Variants in COL4A2 observed in about 807,000 individuals in gnomAD.
The protein encoded by COL4A2 is collagen alpha-2(IV) chain.
Under a neutral mutation model 200.2 loss-of-function variants are expected in COL4A2, and 99 were observed. The ratio of observed to expected loss-of-function variants is 0.49; its 90% CI spans 0.42 to 0.58. The LOEUF (loss-of-function observed/expected upper bound fraction) is 0.58. Ranked by LOEUF, COL4A2 falls within the 20% of genes least tolerant of loss-of-function variation. COL4A2 has a pLI of 0.00. For synonymous variants in COL4A2, 897 were observed against 900.6 expected (o/e 1.00, Z 0.07); for missense variants, 1,950 against 2,314.1 (o/e 0.84, Z 3.23).
chr13:110,424,054 G>T (rs1197799774), intron 4 of COL4A2, among the ~76,000 whole-genome samples: 5 of 152,126 alleles, frequency 3.3e-5, no homozygotes, highest in African/African-American at 1.2e-4. Context: ...CCCAGAAGTG[G>T]AATCGTGGGA....
At chr13:110,464,693 G>T (rs914569065) in intron 24 of COL4A2, among the ~76,000 whole-genome samples, 5 of 152,218 alleles carry the variant, frequency 3.3e-5, no homozygotes, top group African/African-American at 1.2e-4. Context: ...ATTGTCATGA[G>T]AACACCCAGC....
chr13:110,397,759 A>G (rs1364072440), intron 4 of COL4A2, among the ~76,000 whole-genome samples: 7 of 152,216 alleles, frequency 4.6e-5, no homozygotes, highest in Non-Finnish European at 1.0e-4. Context: ...GTATGAGGGC[A>G]GGAGAAAGAA....
At chr13:110,368,420 C>A (rs1412920462) in intron 4 of COL4A2, among the ~76,000 whole-genome samples, 2 of 152,202 alleles carry the variant, frequency 1.3e-5, no homozygotes, top group Non-Finnish European at 2.9e-5. Flanking sequence ...CTTAAAACTT[C>A]AAAGCAATAA....
chr13:110,495,100 C>A (rs1399032821), intron 39 of COL4A2, among the ~76,000 whole-genome samples: 1 of 152,218 alleles, frequency 6.6e-6, no homozygotes, highest in Non-Finnish European at 1.5e-5. Context: ...GAATTTGAAC[C>A]CTCTGATGGG....
rs143417062 is a variant in COL4A2, at chr13:110,450,001, A to T, written c.1189+212A>T. 5.8e-3 allele frequency among the ~76,000 whole-genome samples: 876 copies of T among 152,330 alleles called. 1 individual carries two copies. The highest frequency in any genetic ancestry group is 0.02 in the African/African-American group (845 of 41,576). On this transcript the variant is annotated intron_variant, in intron 19 of 47. Transcript: ENST00000360467. The stretch of plus-strand genomic sequence containing the variant: ...ATGACAGTAACTCCCCAACTAGGTT[A>T]GATGGTGCCACGATGGGTAACTGGC...
chr13:110,504,285 A>T, intron 45 of COL4A2, 21 bp downstream of exon 45: 1 of 1,570,266 alleles, frequency 6.4e-7, no homozygotes, highest in Non-Finnish European at 8.8e-7. Context: ...GTGGGGAAGG[A>T]CCTTCCCAGG....
At chr13:110,352,223 T>A (rs1223782045) in intron 3 of COL4A2, among the ~76,000 whole-genome samples, 1 of 152,028 alleles carries the variant, frequency 6.6e-6, no homozygotes, top group East Asian at 1.9e-4. Context: ...GGCAGGGAGG[T>A]TGGCCTTGGG....
intron 18 of COL4A2, among the ~76,000 whole-genome samples, chr13:110,447,919 A>G (rs4132608): frequency 0.75 from 114,070 of 152,182 alleles, 43,201 homozygotes; most frequent in East Asian, 0.95. Flanking sequence ...CTGTCAGTTT[A>G]ATAATGGCTT....
chr13:110,438,572 G>T (rs561276858), intron 14 of COL4A2, 46 bp from the exon 15 acceptor site: 2 of 1,613,096 alleles, frequency 1.2e-6, no homozygotes, highest in Admixed American at 1.7e-5. Context: ...TTGGCTGGAG[G>T]GGCCGCCCCT....
intron 28 of COL4A2, among the ~76,000 whole-genome samples, chr13:110,472,133 T>G (rs1882491952): frequency 8.1e-6 from 1 of 123,956 alleles, no homozygotes. Context: ...TTTTCTCTTT[T>G]GAGATGGAAT....
intron 4 of COL4A2, among the ~76,000 whole-genome samples, chr13:110,396,354 C>G (rs1378169305): frequency 6.6e-6 from 1 of 152,198 alleles, no homozygotes; most frequent in Admixed American, 6.5e-5. Flanking sequence ...TTCTCTGACT[C>G]TGAAATAAGA....
At chr13:110,419,751 A>G (rs1880178498) in intron 4 of COL4A2, among the ~76,000 whole-genome samples, 1 of 152,230 alleles carries the variant, frequency 6.6e-6, no homozygotes, top group Non-Finnish European at 1.5e-5. Context: ...AGGGAAAACA[A>G]TGGGCAGCCC....
At chr13:110,462,437 T>A in intron 24 of COL4A2, 53 bp downstream of exon 24, 3 of 1,579,464 alleles carry the variant, frequency 1.9e-6, no homozygotes, top group Non-Finnish European at 2.6e-6. Flanking sequence ...ATCCTTCAGG[T>A]TCTCCAAACA....
chr13:110,316,965 AAG>A (rs1010632803), intron 3 of COL4A2, among the ~76,000 whole-genome samples: 1 of 152,106 alleles, frequency 6.6e-6, no homozygotes, highest in East Asian at 1.9e-4. Flanking sequence ...ATAGAGATAA[AAG>A]AGAGAGAGAA....
rs2281968 is a variant in COL4A2, at chr13:110,501,813, G to A, written c.3877+29G>A. 0.6 allele frequency: 956,226 copies of A among 1,600,774 alleles called. 289,610 individuals are homozygous for A. The highest frequency in any genetic ancestry group is 0.67 in the Middle Eastern group (4,041 of 6,026). The stretch of plus-strand genomic sequence containing the variant: ...AGCAGGACTTATACATCTGTGCTTC[G>A]ACATCTCTAGGGGCAGGAGCTGGCA... On this transcript the variant is annotated intron_variant, in intron 41 of 47. Transcript: ENST00000360467.
intron 41 of COL4A2, chr13:110,502,708 GC>G (rs1277240186): frequency 6.1e-6 from 1 of 162,838 alleles, no homozygotes; most frequent in Non-Finnish European, 1.3e-5. Context: ...AGTGAAAGAA[GC>G]CAGTCACAAA....
At chr13:110,319,124 G>A (rs536009224) in intron 3 of COL4A2, among the ~76,000 whole-genome samples, 44 of 152,074 alleles carry the variant, frequency 2.9e-4, no homozygotes, top group African/African-American at 5.8e-4. Context: ...GGGGGCCTGT[G>A]GGGGGAGGTT....
rs577982883 is a variant in COL4A2, at chr13:110,339,116, G to A, written c.100-18356G>A. Among the ~76,000 whole-genome samples the A allele has an allele frequency of 5.9e-5, 9 of 152,316 alleles. No homozygotes were observed. The East Asian group carries it at 1.7e-3, about 29-fold the overall frequency. ...AGAAACTATTTTTTCACGTTATCAT[G>A]TGGTAAGAACAGAGATGAACCTCAG... On this transcript the variant is annotated intron_variant, in intron 3 of 47. Coordinates refer to ENST00000360467, the MANE Select transcript of COL4A2 (RefSeq NM_001846.4).
chr13:110,486,075 G>C (rs773911953), intron 34 of COL4A2, among the ~76,000 whole-genome samples: 1 of 152,176 alleles, frequency 6.6e-6, no homozygotes, highest in Non-Finnish European at 1.5e-5. Context: ...GCTGGGTGAA[G>C]CATGTTGTCT....
Sources: gnomAD v4.1 joint callset for allele counts (sites outside exome capture counted in the v4.1 genomes callset) on GRCh38, gnomAD v4.1.1 for gene constraint, MANE v1.5 for transcripts, NCBI Gene and HGNC (gene_info 2026-07-23, HGNC 2026-07-21) for gene names.